Variants in UVRAG observed in about 807,000 individuals in gnomAD.
UVRAG encodes UV radiation resistance associated.
A neutral mutation model predicts 78.0 loss-of-function variants in UVRAG; 19 were observed. That is an observed-to-expected ratio of 0.24 (90% confidence interval 0.17 to 0.36). The LOEUF (loss-of-function observed/expected upper bound fraction) is 0.36, where lower values mean the gene tolerates loss of function less well. Ranked by LOEUF, UVRAG falls within the 10% of genes least tolerant of loss-of-function variation. The pLI is 1.00. For synonymous variants in UVRAG, 323 were observed against 324.6 expected (o/e 1.00, Z 0.05); for missense variants, 740 against 853.8 (o/e 0.87, Z 1.66).
At chr11:76,103,620 T>C (rs991440813) in intron 13 of UVRAG, among the ~76,000 whole-genome samples, 23 of 151,514 alleles carry the variant, frequency 1.5e-4, no homozygotes, top group African/African-American at 5.6e-4. Flanking sequence ...TTGGACTCTA[T>C]TGCAATTCAA....
intron 3 of UVRAG, among the ~76,000 whole-genome samples, chr11:75,871,001 C>G (rs1329689695): frequency 1.3e-5 from 2 of 151,216 alleles, no homozygotes; most frequent in Non-Finnish European, 2.9e-5. Flanking sequence ...TCCCAAGTAG[C>G]TCAGATTACA....
At chr11:76,115,849 C>CT (rs1446466294) in intron 13 of UVRAG, 75 bp from the exon 14 acceptor site, 1 of 1,326,514 alleles carries the variant, frequency 7.5e-7, no homozygotes, top group Non-Finnish European at 1.1e-6. Flanking sequence ...AAAAAAATAA[C>CT]TTGTTTAGTG....
chr11:75,838,921 A>G (rs542010920), intron 1 of UVRAG: 1 of 152,328 alleles, frequency 6.6e-6, no homozygotes, highest in Admixed American at 6.5e-5. Flanking sequence ...CTTTATAAGA[A>G]CAGAGGCCTG....
intron 3 of UVRAG, among the ~76,000 whole-genome samples, chr11:75,879,308 C>T (rs1477889305): frequency 2.0e-5 from 3 of 152,218 alleles, no homozygotes; most frequent in African/African-American, 7.2e-5. Context: ...TGGCATTTTA[C>T]ACCTCTGAGC....
intron 8 of UVRAG, among the ~76,000 whole-genome samples, chr11:75,998,125 A>C (rs1339544617): frequency 6.6e-6 from 1 of 152,212 alleles, no homozygotes; most frequent in Non-Finnish European, 1.5e-5. Flanking sequence ...ATTTGAAGTA[A>C]AAGTATACCT....
intron 7 of UVRAG, among the ~76,000 whole-genome samples, chr11:75,974,351 C>CTTT (rs1188190094): frequency 4.5e-4 from 38 of 83,712 alleles, no homozygotes; most frequent in East Asian, 1.7e-3. Flanking sequence ...TAAATGTCTT[C>CTTT]TTTTTTTTTT....
intron 8 of UVRAG, among the ~76,000 whole-genome samples, chr11:76,002,843 C>T (rs1022595828): frequency 2.0e-5 from 3 of 152,150 alleles, no homozygotes; most frequent in East Asian, 1.9e-4. Context: ...TGGGAGGCCA[C>T]GGCAGGCGGA....
At chr11:75,943,995 C>T (rs776268127) in intron 6 of UVRAG, among the ~76,000 whole-genome samples, 5 of 152,094 alleles carry the variant, frequency 3.3e-5, no homozygotes, top group African/African-American at 4.8e-5. Flanking sequence ...TGTAGAGGTG[C>T]AGAGAATTTA....
intron 1 of UVRAG, among the ~76,000 whole-genome samples, chr11:75,839,926 C>G (rs1417952302): frequency 6.6e-6 from 1 of 151,638 alleles, no homozygotes; most frequent in African/African-American, 2.4e-5. Context: ...GTACCTGTTA[C>G]CCCACTTCAA....
At chr11:75,936,130 G>A (rs1310044570) in intron 6 of UVRAG, among the ~76,000 whole-genome samples, 4 of 152,176 alleles carry the variant, frequency 2.6e-5, no homozygotes, top group Non-Finnish European at 4.4e-5. Flanking sequence ...AAGCAATATT[G>A]TATTGTTTTT....
intron 6 of UVRAG, among the ~76,000 whole-genome samples, chr11:75,926,592 A>G (rs1948110175): frequency 1.3e-5 from 2 of 152,216 alleles, no homozygotes; most frequent in South Asian, 4.1e-4. Context: ...ATGATCTTAT[A>G]TTGCATTAAT....
chr11:75,969,918 T>G (rs1271841565), intron 7 of UVRAG, among the ~76,000 whole-genome samples: 1 of 152,248 alleles, frequency 6.6e-6, no homozygotes, highest in African/African-American at 2.4e-5. Context: ...TTCTATCAGC[T>G]TATCCTGGAT....
At chr11:76,076,657 C>G (rs1300431090) in intron 13 of UVRAG, among the ~76,000 whole-genome samples, 2 of 152,076 alleles carry the variant, frequency 1.3e-5, no homozygotes, top group Non-Finnish European at 2.9e-5. Flanking sequence ...AGCCATCCTA[C>G]TAGTTGTAAA....
chr11:76,009,710 TA>T (rs1454632753), intron 11 of UVRAG, among the ~76,000 whole-genome samples: 2 of 152,198 alleles, frequency 1.3e-5, no homozygotes, highest in Non-Finnish European at 2.9e-5. Flanking sequence ...GTTGGGCCCT[TA>T]CCTGTAAGTA....
At chr11:75,839,872 G>C (rs1271950036) in intron 1 of UVRAG, among the ~76,000 whole-genome samples, 1 of 150,796 alleles carries the variant, frequency 6.6e-6, no homozygotes, top group African/African-American at 2.5e-5. Flanking sequence ...TAGAGAGAGA[G>C]AGAGAGAGAA....
At chr11:76,048,733 C>T (rs1163783424) in intron 12 of UVRAG, among the ~76,000 whole-genome samples, 1 of 152,176 alleles carries the variant, frequency 6.6e-6, no homozygotes, top group East Asian at 1.9e-4. Context: ...AGAAAACTGA[C>T]TTTAGCTAAC....
intron 5 of UVRAG, among the ~76,000 whole-genome samples, chr11:75,900,853 A>G (rs1947478214): frequency 6.6e-6 from 1 of 152,302 alleles, no homozygotes; most frequent in African/African-American, 2.4e-5. Context: ...GCTTAATGAC[A>G]CTATTCTTAT....
At chr11:75,900,394 C>A (rs1947465558) in intron 5 of UVRAG, among the ~76,000 whole-genome samples, 1 of 152,106 alleles carries the variant, frequency 6.6e-6, no homozygotes, top group Admixed American at 6.5e-5. Context: ...TTTTCTCTCT[C>A]CACGAATGCT....
chr11:76,102,136 T>C (rs1282052441), intron 13 of UVRAG, among the ~76,000 whole-genome samples: 1 of 152,212 alleles, frequency 6.6e-6, no homozygotes, highest in Non-Finnish European at 1.5e-5. Flanking sequence ...GGTAGTTTGA[T>C]AGGAATAGCA....
Sources: gnomAD v4.1 joint callset for allele counts (sites outside exome capture counted in the v4.1 genomes callset) on GRCh38, gnomAD v4.1.1 for gene constraint, MANE v1.5 for transcripts, NCBI Gene and HGNC (gene_info 2026-07-23, HGNC 2026-07-21) for gene names.